The following CAPRIN1 variants were observed in gnomAD, a reference collection of about 807,000 sequenced individuals.
CAPRIN1 encodes the protein cell cycle associated protein 1, also known as caprin-1.
In CAPRIN1, 29 loss-of-function variants were observed where a neutral mutation model predicts 100.9. The ratio of observed to expected loss-of-function variants is 0.29; its 90% CI spans 0.21 to 0.39. The LOEUF is 0.39. CAPRIN1 is among the 10% of genes least tolerant of loss of function. The pLI, the probability that CAPRIN1 is intolerant of heterozygous loss-of-function variation, is 1.00. For missense variants in CAPRIN1, 795 were observed against 876.7 expected (o/e 0.91, Z 1.18); for synonymous variants, 338 against 307.5 (o/e 1.10, Z -1.04).
chr11:34,059,920 G>T (rs1395191534), intron 2 of CAPRIN1, among the ~76,000 whole-genome samples: 2 of 145,082 alleles, frequency 1.4e-5, no homozygotes, highest in African/African-American at 5.1e-5. Flanking sequence ...AGCAGGCTGG[G>T]CATGGTGGCT....
intron 7 of CAPRIN1, among the ~76,000 whole-genome samples, chr11:34,082,589 T>G (rs1041335332): frequency 1.3e-5 from 2 of 152,318 alleles, no homozygotes; most frequent in Middle Eastern, 3.4e-3. Flanking sequence ...ACAGCCTCCC[T>G]CATTGTCAGC....
chr11:34,099,635 TA>T lies in CAPRIN1; in HGVS notation c.*272del. On this transcript the variant is annotated 3_prime_UTR_variant, in exon 19 of 19. Transcript: ENST00000341394. Reference sequence around the variant, plus strand: ...CAGATTCCTCACCCTTGCTTAGGAGTAAAACAATATACTTTACAGGGTGATA... The same window carrying T: ...CAGATTCCTCACCCTTGCTTAGGAGTAAACAATATACTTTACAGGGTGATA... 2.2e-6 allele frequency: 1 copy of T among 448,624 alleles called. No homozygotes were observed. The highest frequency in any genetic ancestry group is 4.1e-5 in the South Asian group (1 of 24,654). 27.8% of individuals were successfully genotyped at this position (448,624 alleles called of 1,614,324 possible).
At chr11:34,079,579 AG>A in intron 6 of CAPRIN1, 48 bp from the exon 7 acceptor site, 1 of 1,514,056 alleles carries the variant, frequency 6.6e-7, no homozygotes. Context: ...TCTTCAAGCC[AG>A]GCATCCTCAG....
intron 6 of CAPRIN1, among the ~76,000 whole-genome samples, chr11:34,078,357 C>T (rs917871826): frequency 1.3e-5 from 2 of 152,126 alleles, no homozygotes; most frequent in Non-Finnish European, 2.9e-5. Flanking sequence ...TACTATGTAT[C>T]TATTAATAAT....
chr11:34,069,041 T>C (rs1053091224), intron 2 of CAPRIN1, among the ~76,000 whole-genome samples: 2 of 152,176 alleles, frequency 1.3e-5, no homozygotes, highest in African/African-American at 2.4e-5. Context: ...CACTGAACTT[T>C]AGGCCCTCCT....
At chr11:34,068,425 G>C (rs1385712718) in intron 2 of CAPRIN1, among the ~76,000 whole-genome samples, 1 of 152,186 alleles carries the variant, frequency 6.6e-6, no homozygotes, top group African/African-American at 2.4e-5. Context: ...TCACATTTTA[G>C]AACAGTATGT....
chr11:34,092,722 CAGTT>C (rs1418715384), intron 15 of CAPRIN1, among the ~76,000 whole-genome samples: 1 of 152,140 alleles, frequency 6.6e-6, no homozygotes, highest in Non-Finnish European at 1.5e-5. Context: ...GGCATTGAGT[CAGTT>C]AGACAAAGTT....
chr11:34,059,501 C>G (rs1376999484), intron 2 of CAPRIN1, among the ~76,000 whole-genome samples: 3 of 152,178 alleles, frequency 2.0e-5, no homozygotes, highest in Non-Finnish European at 2.9e-5. Context: ...AACTCCTGAC[C>G]TTGTGATCTG....
intron 9 of CAPRIN1, among the ~76,000 whole-genome samples, chr11:34,084,670 T>A (rs1851103816): frequency 6.6e-6 from 1 of 152,102 alleles, no homozygotes; most frequent in African/African-American, 2.4e-5. Flanking sequence ...AAATGTCAGC[T>A]GTATATATGA....
intron 2 of CAPRIN1, among the ~76,000 whole-genome samples, chr11:34,066,250 A>G (rs528028702): frequency 6.6e-6 from 1 of 152,308 alleles, no homozygotes; most frequent in Admixed American, 6.5e-5. Context: ...TCAAAGTGCT[A>G]AAGTGCTAGG....
At chr11:34,091,647 G>T in intron 14 of CAPRIN1, 1 of 275,458 alleles carries the variant, frequency 3.6e-6, no homozygotes, top group East Asian at 6.8e-5. Flanking sequence ...GCTGCTGATT[G>T]CATGTCTTTT....
intron 2 of CAPRIN1, among the ~76,000 whole-genome samples, chr11:34,064,023 CT>C (rs1850635006): frequency 6.6e-6 from 1 of 152,188 alleles, no homozygotes; most frequent in Non-Finnish European, 1.5e-5. Context: ...CTGTCTCGGC[CT>C]CCCAGAGTGC....
Position 34,076,454 on chromosome 11 carries a change from T to A in CAPRIN1, c.585T>A (p.Pro195=). The A allele has an allele frequency of 6.2e-7, 1 of 1,613,928 alleles. No homozygotes were observed. The highest frequency in any genetic ancestry group is 8.5e-7 in the Non-Finnish European group (1 of 1,179,768). Residue 195 remains proline, a synonymous_variant, in exon 5 of 19, where the codon CCT becomes CCA. Transcript: ENST00000341394. ...ATGAATTCTATAAGCTAGTAGACCCTGAACGGGACATGAGCTTGAGGTATT... is the reference window on the plus strand; with the variant it reads ...ATGAATTCTATAAGCTAGTAGACCCAGAACGGGACATGAGCTTGAGGTATT... ...LLDEFYKLVD[P]ERDMSLRLNE...
intron 16 of CAPRIN1, 97 bp downstream of exon 16, chr11:34,096,770 T>C: frequency 1.2e-6 from 1 of 841,494 alleles, no homozygotes; most frequent in Non-Finnish European, 1.8e-6. Context: ...GAAGGATGTA[T>C]CTGCATTAGC....
chr11:34,060,195 CAAAAAAAAA>C (rs1175800677), intron 2 of CAPRIN1, among the ~76,000 whole-genome samples: 3 of 40,484 alleles, frequency 7.4e-5, no homozygotes, highest in African/African-American at 1.9e-4. Flanking sequence ...TACTCCATCT[CAAAAAAAAA>C]AAAAAAAAAA....
intron 15 of CAPRIN1, among the ~76,000 whole-genome samples, chr11:34,093,810 T>G (rs906052548): frequency 3.1e-5 from 4 of 127,198 alleles, no homozygotes; most frequent in African/African-American, 1.3e-4. Flanking sequence ...TTTTTGTATT[T>G]TTAGTAGAGA....
In CAPRIN1 at chr11:34,100,064, A is replaced by G. The variant is rs182204264; in HGVS notation, c.*697A>G. On this transcript the variant is annotated 3_prime_UTR_variant, in exon 19 of 19. Transcript: ENST00000341394. ...CTTTGATTGGCACTTTTTGAAAAATATGCAACAAATATGGGATGTAATCCG... is the reference window on the plus strand; with the variant it reads ...CTTTGATTGGCACTTTTTGAAAAATGTGCAACAAATATGGGATGTAATCCG... 2 of 152,806 alleles carry G rather than the reference A, an allele frequency of 1.3e-5. No homozygotes were observed. The highest frequency in any genetic ancestry group is 6.5e-5 in the Admixed American group (1 of 15,304). 9.5% of individuals were successfully genotyped at this position (152,806 alleles called of 1,614,324 possible).
At position 34,073,209 on chromosome 11, in the gene CAPRIN1, G is replaced by C. The variant is rs554909929; in HGVS notation, c.366+1222G>C. Among the ~76,000 whole-genome samples the C allele has an allele frequency of 5.3e-4, 81 of 152,234 alleles. 1 individual carries two copies. The highest frequency in any genetic ancestry group is 1.9e-3 in the African/African-American group (77 of 41,536). ...GATTCTAGAAACAGACTGCCCAGTT[G>C]AATCCTAATTTTGTGACTTGACTTT... On this transcript the variant is annotated intron_variant, in intron 4 of 18. Coordinates refer to ENST00000341394, the MANE Select transcript of CAPRIN1 (RefSeq NM_005898.5).
intron 2 of CAPRIN1, among the ~76,000 whole-genome samples, chr11:34,069,626 G>A (rs1406661354): frequency 6.6e-6 from 1 of 151,874 alleles, no homozygotes; most frequent in African/African-American, 2.4e-5. Context: ...TTCTGCACCT[G>A]GGGTCAGGTC....
Sources: allele counts gnomAD v4.1 joint callset (sites outside exome capture counted in the v4.1 genomes callset), GRCh38; gene constraint gnomAD v4.1.1; transcripts MANE v1.5; gene names NCBI Gene and HGNC (gene_info 2026-07-23, HGNC 2026-07-21).